Variants in ZNF451 observed in about 807,000 individuals in gnomAD.
The protein encoded by ZNF451 is zinc finger protein 451.
Under a neutral mutation model 107.1 loss-of-function variants are expected in ZNF451, and 80 were observed. That is an observed-to-expected ratio of 0.75 (90% CI 0.62 to 0.90). The LOEUF is 0.90. ZNF451 is among the 40% of genes least tolerant of loss of function. The pLI, the probability that ZNF451 is intolerant of heterozygous loss-of-function variation, is 0.00. For missense variants in ZNF451, 1,107 were observed against 1,236.2 expected, an observed-to-expected ratio of 0.90 and a Z score of 1.57; for synonymous variants, 362 against 406.5, an observed-to-expected ratio of 0.89 and a Z score of 1.32.
At chr6:57,132,780 G>A (rs563116240) in intron 5 of ZNF451, among the ~76,000 whole-genome samples, 2 of 152,070 alleles carry the variant, frequency 1.3e-5, no homozygotes, top group African/African-American at 4.8e-5. Context: ...AGAATTGATT[G>A]AGCCTGGGAA....
At chr6:57,158,883 T>G in intron 13 of ZNF451, 1 of 985,486 alleles carries the variant, frequency 1.0e-6, no homozygotes, top group Non-Finnish European at 1.2e-6. Flanking sequence ...GGTTGGCATC[T>G]ATGAGTCATA....
At chr6:57,106,798 CAT>C in intron 3 of ZNF451, 4 of 985,128 alleles carry the variant, frequency 4.1e-6, no homozygotes, top group Non-Finnish European at 4.8e-6. Flanking sequence ...TGTGGTTTAT[CAT>C]AGTAGATACA....
At chr6:57,153,604 C>T (rs751932105) in intron 12 of ZNF451, among the ~76,000 whole-genome samples, 4 of 151,816 alleles carry the variant, frequency 2.6e-5, no homozygotes, top group Admixed American at 2.0e-4. Flanking sequence ...ATAGAGACCG[C>T]GTTTCACCAT....
chr6:57,147,377 T>C lies in ZNF451; in HGVS notation c.1292T>C (p.Met431Thr), dbSNP rs1276852660. Reference protein sequence around the residue: ...QSKFSSLKRTMSIKESSSLEC... With the variant: ...QSKFSSLKRTTSIKESSSLEC... The stretch of plus-strand genomic sequence containing the variant: ...AAATTTTCATCACTTAAAAGAACCA[T>C]GTCTATTAAAGAATCTAGCTCACTG... Residue 431 changes from methionine (M) to threonine (T), a missense_variant, in exon 10 of 15, where the codon ATG becomes ACG. This residue lies in a region of ZNF451 where 608 missense variants were observed against 649.2 expected (regional missense o/e 0.94). Coordinates refer to ENST00000370706, the MANE Select transcript of ZNF451 (RefSeq NM_001031623.3). 6.2e-7 allele frequency: 1 copy of C among 1,614,082 alleles called. No individual in the cohort carries two copies. Among genetic ancestry groups the C allele is most frequent in the Non-Finnish European group, 8.5e-7 (1 of 1,179,966 alleles).
chr6:57,129,233 A>G (rs1831070011), intron 5 of ZNF451, among the ~76,000 whole-genome samples: 1 of 152,182 alleles, frequency 6.6e-6, no homozygotes, highest in South Asian at 2.1e-4. Context: ...TTATTTATTT[A>G]TTCATCAGTG....
chr6:57,094,433 C>T (rs780411140), intron 2 of ZNF451, among the ~76,000 whole-genome samples: 8 of 152,112 alleles, frequency 5.3e-5, no homozygotes, highest in Admixed American at 4.6e-4. Context: ...CCCAGCCTTC[C>T]GAGTAGCTGG....
At chr6:57,162,271 C>T (rs937946065) in intron 14 of ZNF451, among the ~76,000 whole-genome samples, 5 of 152,124 alleles carry the variant, frequency 3.3e-5, no homozygotes, top group Admixed American at 6.5e-5. Flanking sequence ...GGTATGTTTT[C>T]TTTGCATTTC....
chr6:57,162,932 A>T (rs889306554), intron 14 of ZNF451, among the ~76,000 whole-genome samples: 2 of 152,218 alleles, frequency 1.3e-5, no homozygotes, highest in Non-Finnish European at 2.9e-5. Context: ...CTTTAAACCT[A>T]TAACTAGTTG....
intron 2 of ZNF451, among the ~76,000 whole-genome samples, chr6:57,093,526 A>G (rs1318904892): frequency 6.6e-6 from 1 of 152,226 alleles, no homozygotes; most frequent in African/African-American, 2.4e-5. Context: ...TTTGAAATAC[A>G]TCCTACCCTT....
intron 2 of ZNF451, among the ~76,000 whole-genome samples, chr6:57,097,963 TTTATTATTA>T (rs545341343): frequency 6.8e-6 from 1 of 146,758 alleles, no homozygotes; most frequent in African/African-American, 2.5e-5. Flanking sequence ...TATTTATATA[TTTATTATTA>T]TTATTATTAT....
chr6:57,098,205 C>T (rs1274285931), intron 2 of ZNF451, among the ~76,000 whole-genome samples: 1 of 149,962 alleles, frequency 6.7e-6, no homozygotes, highest in Non-Finnish European at 1.5e-5. Flanking sequence ...CCAGCCTGGC[C>T]AACATGGTAA....
intron 3 of ZNF451, chr6:57,100,766 T>C: frequency 6.5e-7 from 1 of 1,550,124 alleles, no homozygotes; most frequent in Non-Finnish European, 8.7e-7. Flanking sequence ...GAGAACCCAT[T>C]GGAGAACCAG....
At chr6:57,109,436 C>CG in intron 3 of ZNF451, 1 of 985,440 alleles carries the variant, frequency 1.0e-6, no homozygotes, top group Non-Finnish European at 1.2e-6. Context: ...TTCTGAGCCT[C>CG]AGTTTTCTTA....
At chr6:57,125,043 T>C (rs191776143) in intron 4 of ZNF451, among the ~76,000 whole-genome samples, 184 bp downstream of exon 4, 1 of 152,264 alleles carries the variant, frequency 6.6e-6, no homozygotes, top group Non-Finnish European at 1.5e-5. Flanking sequence ...GTTGGATTCT[T>C]ATCTGTATAT....
intron 3 of ZNF451, chr6:57,106,260 T>C (rs921044166): frequency 3.3e-5 from 33 of 985,094 alleles, no homozygotes; most frequent in Non-Finnish European, 4.0e-5. Context: ...TTTGAAATTA[T>C]GGATTAGATC....
intron 3 of ZNF451, chr6:57,106,610 A>ATTT (rs1562593673): frequency 1.3e-6 from 1 of 765,190 alleles, no homozygotes; most frequent in Non-Finnish European, 1.6e-6. Context: ...CTGGCTGTGA[A>ATTT]ATTTTTTTTT....
chr6:57,131,408 C>T (rs1831172395), intron 5 of ZNF451, among the ~76,000 whole-genome samples: 1 of 152,108 alleles, frequency 6.6e-6, no homozygotes, highest in East Asian at 1.9e-4. Context: ...TATCCAGAGC[C>T]ACTATTTATA....
intron 9 of ZNF451, among the ~76,000 whole-genome samples, chr6:57,143,686 C>T (rs1831905159): frequency 6.6e-6 from 1 of 152,152 alleles, no homozygotes; most frequent in Non-Finnish European, 1.5e-5. Context: ...TATGATCCAG[C>T]AATTTCTGCT....
At chr6:57,133,466 A>C (rs1340600121) in intron 6 of ZNF451, among the ~76,000 whole-genome samples, 1 of 152,210 alleles carries the variant, frequency 6.6e-6, no homozygotes, top group Non-Finnish European at 1.5e-5. Context: ...TTCTCCATCA[A>C]AATCCAGATA....
Sources: allele counts gnomAD v4.1 joint callset (sites outside exome capture counted in the v4.1 genomes callset), GRCh38; gene constraint gnomAD v4.1.1; regional missense constraint gnomAD v4.1.1; transcripts MANE v1.5; gene names NCBI Gene and HGNC (gene_info 2026-07-23, HGNC 2026-07-21).